SNTA1: variants seen among roughly 807,000 people sequenced by gnomAD.
SNTA1 encodes alpha-1-syntrophin.
Under a neutral mutation model 47.1 loss-of-function variants are expected in SNTA1, and 31 were observed. The observed-to-expected ratio is 0.66, with a 90% CI of 0.49 to 0.89. The LOEUF (loss-of-function observed/expected upper bound fraction) is 0.89. SNTA1 is among the 40% of genes least tolerant of loss of function. The pLI, the probability that SNTA1 is intolerant of heterozygous loss-of-function variation, is 0.00. For missense variants in SNTA1, 575 were observed against 693.0 expected, an observed-to-expected ratio of 0.83 and a Z score of 1.91; for synonymous variants, 300 against 313.6, an observed-to-expected ratio of 0.96 and a Z score of 0.46.
At chr20:33,434,624 G>C (rs1990390716) in intron 2 of SNTA1, among the ~76,000 whole-genome samples, 1 of 151,948 alleles carries the variant, frequency 6.6e-6, no homozygotes, top group Admixed American at 6.6e-5. Flanking sequence ...GCTCCTTTCT[G>C]CTGAGCCCAG....
In SNTA1 at chr20:33,443,578, G is replaced by T; in HGVS notation, c.43C>A (p.Leu15Met). ...GCCCCCGAGCCCGCCCCGGCGCGCA[G>T]CTCCAGCAGCCCGGTGCGCGGGGCG... is the stretch of plus-strand genomic sequence containing the variant. ...RRAPRTGLLELRAGAGSGAGG... is the reference protein window; with the variant it reads ...RRAPRTGLLEMRAGAGSGAGG... Residue 15 changes from leucine to methionine, a missense_variant, in exon 1 of 8, where the codon CTG (leucine) becomes ATG (methionine). Transcript: ENST00000217381. 2 of 1,309,460 alleles carry T rather than the reference G, an allele frequency of 1.5e-6. No homozygotes were observed. The highest frequency in any genetic ancestry group is 2.0e-6 in the Non-Finnish European group (2 of 1,022,640). The allele number at this position is 1,309,460 out of a possible 1,614,324, so 81.1% of individuals were successfully genotyped here. A position where few individuals can be genotyped will look rare whatever the true frequency, so the allele number is the denominator to read the frequency against.
chr20:33,443,634 C>T lies in SNTA1; in HGVS notation c.-14G>A. The stretch of plus-strand genomic sequence containing the variant: ...GCCGGACGCCATCTTCGCCTCCGAG[C>T]CCCCGGGCCGCCGCGCTCGCCCTGT... On this transcript the variant is annotated 5_prime_UTR_variant, in exon 1 of 8. Transcript: ENST00000217381. 4.2e-6 allele frequency: 5 copies of T among 1,201,802 alleles called. No homozygotes were observed. Among genetic ancestry groups the T allele is most frequent in the Non-Finnish European group, 5.2e-6 (5 of 967,422 alleles). The allele number at this position is 1,201,802 out of a possible 1,614,324, so 74.4% of individuals were successfully genotyped here. A position where few individuals can be genotyped will look rare whatever the true frequency, so the allele number is the denominator to read the frequency against.
At chr20:33,432,750 A>G (rs945102742) in intron 2 of SNTA1, among the ~76,000 whole-genome samples, 2 of 152,130 alleles carry the variant, frequency 1.3e-5, no homozygotes, top group Non-Finnish European at 1.5e-5. Context: ...CGTCCCAGCT[A>G]CTTGAGAGGC....
intron 2 of SNTA1, among the ~76,000 whole-genome samples, chr20:33,437,228 A>G (rs1600862663): frequency 6.7e-6 from 1 of 149,966 alleles, no homozygotes; most frequent in Admixed American, 6.7e-5. Flanking sequence ...ATGCCACTGC[A>G]CTCCAGCCTG....
chr20:33,443,599 G>C lies in SNTA1; in HGVS notation c.22C>G (p.Pro8Ala), dbSNP rs786205840. 8.1e-7 allele frequency: 1 copy of C among 1,236,714 alleles called. No individual in the cohort carries two copies. The highest frequency in any genetic ancestry group is 1.0e-6 in the Non-Finnish European group (1 of 989,424). The allele number at this position is 1,236,714 out of a possible 1,614,324, so 76.6% of individuals were successfully genotyped here. Reference sequence around the variant, plus strand: ...CGCAGCTCCAGCAGCCCGGTGCGCGGGGCGCGCCTGCCGGACGCCATCTTC... The same window carrying C: ...CGCAGCTCCAGCAGCCCGGTGCGCGCGGCGCGCCTGCCGGACGCCATCTTC... MASGRRAPRTGLLELRAG... is the reference protein window; with the variant it reads MASGRRAARTGLLELRAG... The change falls in exon 1 of 8, where the codon CCG (proline) becomes GCG (alanine). Residue 8 changes from proline (P) to alanine (A), a missense_variant. Physicochemically the swap from Pro to Ala is conservative, Grantham distance 27. Coordinates refer to ENST00000217381, the MANE Select transcript of SNTA1 (RefSeq NM_003098.3).
chr20:33,416,254 A>G lies in SNTA1; in HGVS notation c.701+1465T>C, dbSNP rs550000829. ...GGACGTTAACCAGCCCTCCCAGCCA[A>G]TGTTGGGCATTTGCTTGGCATTGAA... On this transcript the variant is annotated intron_variant, in intron 3 of 7. Coordinates refer to ENST00000217381, the MANE Select transcript of SNTA1 (RefSeq NM_003098.3). Among the ~76,000 whole-genome samples the G allele has an allele frequency of 9.2e-5, 14 of 152,302 alleles. 1 individual carries two copies. In the East Asian group the frequency reaches 2.5e-3, roughly 27 times the overall value.
chr20:33,418,179 A>C (rs1490576685), intron 2 of SNTA1, among the ~76,000 whole-genome samples: 1 of 151,078 alleles, frequency 6.6e-6, no homozygotes, highest in East Asian at 1.9e-4. Flanking sequence ...CATTTTCCCC[A>C]TGGTTAATAG....
In SNTA1 at chr20:33,417,825, G is replaced by T. The variant is rs1286094184; in HGVS notation, c.595C>A (p.Pro199Thr). 1.9e-6 allele frequency: 3 copies of T among 1,613,898 alleles called. No individual in the cohort carries two copies. The highest frequency in any genetic ancestry group is 3.3e-5 in the Admixed American group (2 of 59,980). Reference protein sequence around the residue: ...SPPASPLQRQPSSPGPTPRNF... With the variant: ...SPPASPLQRQTSSPGPTPRNF... ...CGGGGTGTGGGGCCAGGGGAGGAAG[G>T]CTGCCGCTGAAGGGGTGAGGCAGGA... The change falls in exon 3 of 8, where the codon CCT becomes ACT. Residue 199 changes from proline to threonine, a missense_variant. By Grantham distance (38) the Pro-to-Thr change is conservative. Coordinates refer to ENST00000217381, the MANE Select transcript of SNTA1 (RefSeq NM_003098.3).
At position 33,424,314 on chromosome 20, in the gene SNTA1, C is replaced by CA. The variant is rs879835008; in HGVS notation, c.497-6392dup. 2.2e-3 allele frequency among the ~76,000 whole-genome samples: 162 copies of CA among 73,816 alleles called. 1 individual carries two copies. The highest frequency in any genetic ancestry group is 8.8e-3 in the Middle Eastern group (1 of 114). The allele number at this position is 73,816 out of a possible 152,430, so 48.4% of individuals were successfully genotyped here. A position where few individuals can be genotyped will look rare whatever the true frequency, so the allele number is the denominator to read the frequency against. On this transcript the variant is annotated intron_variant, in intron 2 of 7. Transcript: ENST00000217381. ...GGGCAACAAGAGTGAAACGCCATCT[C>CA]AAAAAAAAAAAAAGAAAGAAAGAAA... is the stretch of plus-strand genomic sequence containing the variant.
At chr20:33,424,072 T>C (rs1990100699) in intron 2 of SNTA1, among the ~76,000 whole-genome samples, 1 of 151,954 alleles carries the variant, frequency 6.6e-6, no homozygotes. Context: ...CCCAACACTT[T>C]GGGAGGCCGA....
chr20:33,443,422 C>A lies in SNTA1; in HGVS notation c.199G>T (p.Ala67Ser). 2 of 1,332,504 alleles carry A rather than the reference C, an allele frequency of 1.5e-6. No homozygotes were observed. The highest frequency in any genetic ancestry group is 3.9e-5 in the South Asian group (2 of 51,650). The allele number at this position is 1,332,504 out of a possible 1,614,324, so 82.5% of individuals were successfully genotyped here. ...GGGGGCCCGGCGCCCGGCTCCGCGG[C>A]GCCGTTGAGCTGCGCGGGCTCCTGC... ...REQEPAQLNG[A>S]AEPGAGPPQL... is the part of the protein sequence containing the mutation. Residue 67 changes from alanine to serine, a missense_variant, in exon 1 of 8, where the codon GCC (alanine) becomes TCC (serine). Coordinates refer to ENST00000217381, the MANE Select transcript of SNTA1 (RefSeq NM_003098.3).
At position 33,411,352 on chromosome 20, in the gene SNTA1, C is replaced by G. The variant is rs558180009; in HGVS notation, c.1040+944G>C. Among the ~76,000 whole-genome samples, 4 of 152,062 alleles carry G rather than the reference C, an allele frequency of 2.6e-5. No homozygotes were observed. In the East Asian group the frequency reaches 7.7e-4, roughly 29 times the overall value. On this transcript the variant is annotated intron_variant, in intron 5 of 7. Coordinates refer to ENST00000217381, the MANE Select transcript of SNTA1 (RefSeq NM_003098.3). ...CCCCAGTCCCACGCTCACCCAGACACAAGCTCCAAACCTCCTGTTCATTCC... is the reference window on the plus strand; with the variant it reads ...CCCCAGTCCCACGCTCACCCAGACAGAAGCTCCAAACCTCCTGTTCATTCC...
chr20:33,431,921 C>T (rs1990317612), intron 2 of SNTA1, among the ~76,000 whole-genome samples: 1 of 152,190 alleles, frequency 6.6e-6, no homozygotes, highest in African/African-American at 2.4e-5. Flanking sequence ...CCAGAACCTG[C>T]CTACAGAGGC....
intron 1 of SNTA1, among the ~76,000 whole-genome samples, chr20:33,441,281 C>T (rs1254145041): frequency 6.6e-6 from 1 of 152,138 alleles, no homozygotes; most frequent in Non-Finnish European, 1.5e-5. Context: ...CCAGTATTTG[C>T]ACCTAGGCCT....
At chr20:33,443,183 T>G in intron 1 of SNTA1, 128 bp downstream of exon 1, 1 of 631,434 alleles carries the variant, frequency 1.6e-6, no homozygotes, top group Non-Finnish European at 2.4e-6. Flanking sequence ...CGTTACCTGT[T>G]TCCTCAGACC....
intron 2 of SNTA1, among the ~76,000 whole-genome samples, chr20:33,436,961 C>A: frequency 9.3e-6 from 1 of 107,874 alleles, no homozygotes; most frequent in African/African-American, 3.7e-5. Flanking sequence ...AAGACTCCAT[C>A]TCAAAAAAAA....
At chr20:33,412,454 TGG>T (rs764206817) in intron 4 of SNTA1, 28 bp from the exon 5 acceptor site, 1 of 1,608,608 alleles carries the variant, frequency 6.2e-7, no homozygotes, top group East Asian at 2.2e-5. Flanking sequence ...GCAGTGAGGA[TGG>T]GTGGGGGAAG....
intron 2 of SNTA1, among the ~76,000 whole-genome samples, chr20:33,430,446 T>G (rs1990278852): frequency 6.6e-6 from 1 of 151,066 alleles, no homozygotes; most frequent in African/African-American, 2.4e-5. Flanking sequence ...GCGCTAAATT[T>G]TGTATTTTTA....
Sources: allele counts gnomAD v4.1 joint callset (sites outside exome capture counted in the v4.1 genomes callset), GRCh38; gene constraint gnomAD v4.1.1; transcripts MANE v1.5; gene names NCBI Gene and HGNC (gene_info 2026-07-23, HGNC 2026-07-21).